The following RGS8 variants were observed in gnomAD, a reference collection of about 807,000 sequenced individuals.
The protein encoded by RGS8 is regulator of G-protein signaling 8.
RGS8 carries 8 observed loss-of-function variants against 21.7 expected under a neutral mutation model. That is an observed-to-expected ratio of 0.37 (90% CI 0.22 to 0.66). RGS8 has a LOEUF of 0.66. RGS8 is among the 30% of genes least tolerant of loss of function. RGS8 has a pLI of 0.59. For synonymous variants in RGS8, 80 were observed against 83.6 expected (o/e 0.96, Z 0.24); for missense variants, 157 against 217.9 (o/e 0.72, Z 1.76).
chr1:182,643,303 T>C (rs2102399042), downstream of RGS8: 1 of 127,184 alleles, frequency 7.9e-6, no homozygotes, highest in East Asian at 2.2e-4. Flanking sequence ...CCCACACAGC[T>C]GTGTCTCCCC....
upstream of RGS8, among the ~76,000 whole-genome samples, chr1:182,673,613 C>T (rs1034295044): frequency 3.9e-5 from 6 of 152,194 alleles, no homozygotes; most frequent in African/African-American, 7.2e-5. Context: ...TTTCTGATAT[C>T]GTCCACAGTG....
the RGS8 span, among the ~76,000 whole-genome samples, chr1:182,742,148 G>A: frequency 3.5e-4 from 52 of 149,902 alleles, 1 homozygote; most frequent in African/African-American, 1.1e-3. Context: ...ATGGGCGGCC[G>A]GGCAGAGACG....
chr1:182,680,207 C>G (rs1373147534), intron 1 of RGS8, among the ~76,000 whole-genome samples: 1 of 152,084 alleles, frequency 6.6e-6, no homozygotes, highest in Non-Finnish European at 1.5e-5. Flanking sequence ...CCTTTAAGCC[C>G]TCCTACTCTA....
At chr1:182,720,913 G>GTGTATATACA in the RGS8 span, among the ~76,000 whole-genome samples, 4 of 95,802 alleles carry the variant, frequency 4.2e-5, no homozygotes, top group South Asian at 3.2e-4. Flanking sequence ...ATATGTGTGT[G>GTGTATATACA]TATATACATA....
chr1:182,727,810 T>C, the RGS8 span, among the ~76,000 whole-genome samples: 1 of 152,322 alleles, frequency 6.6e-6, no homozygotes, highest in East Asian at 1.9e-4. Flanking sequence ...CTATTTATTA[T>C]TCAAAAGTTC....
At chr1:182,709,065 C>T in the RGS8 span, among the ~76,000 whole-genome samples, 1 of 35,664 alleles carries the variant, frequency 2.8e-5, no homozygotes, top group Non-Finnish European at 5.2e-5. Context: ...TTTAGTGGTT[C>T]TTCCTTTTCC....
chr1:182,648,263 G>A (rs1038246664), exon 6 of RGS8: 2 of 1,613,616 alleles, frequency 1.2e-6, no homozygotes, highest in Non-Finnish European at 1.7e-6. Context: ...TCTCCTCACT[G>A]AACTCCGTCT....
the RGS8 span, among the ~76,000 whole-genome samples, chr1:182,692,310 G>A: frequency 2.6e-5 from 4 of 152,032 alleles, no homozygotes; most frequent in South Asian, 8.3e-4. Context: ...GCAGTTAGTA[G>A]CATTTCTATA....
chr1:182,725,655 T>C, the RGS8 span, among the ~76,000 whole-genome samples: 1 of 152,176 alleles, frequency 6.6e-6, no homozygotes, highest in Non-Finnish European at 1.5e-5. Flanking sequence ...AAATGAAACT[T>C]GGTGCTACAA....
the RGS8 span, among the ~76,000 whole-genome samples, chr1:182,690,167 A>T: frequency 1.3e-5 from 2 of 152,224 alleles, no homozygotes; most frequent in African/African-American, 4.8e-5. Context: ...ATAGGGTTGT[A>T]AAGAGAGTTA....
At chr1:182,727,393 A>G in the RGS8 span, among the ~76,000 whole-genome samples, 1 of 152,240 alleles carries the variant, frequency 6.6e-6, no homozygotes, top group East Asian at 1.9e-4. Context: ...TTGGCTAATA[A>G]TATGTCTGGA....
chr1:182,734,757 T>C, the RGS8 span: 1 of 152,206 alleles, frequency 6.6e-6, no homozygotes, highest in Non-Finnish European at 1.5e-5. Flanking sequence ...GGGAGGATGT[T>C]GGGAGGTTCA....
At chr1:182,667,058 TACGGGAG>T in intron 3 of RGS8, 85 bp from the exon 5 acceptor site, 1 of 1,123,436 alleles carries the variant, frequency 8.9e-7, no homozygotes, top group Non-Finnish European at 1.4e-6. Context: ...GAGCTGCTGC[TACGGGAG>T]CCAGCACTGC....
chr1:182,671,228 C>T (rs1259747262), intron 2 of RGS8, among the ~76,000 whole-genome samples: 1 of 152,216 alleles, frequency 6.6e-6, no homozygotes, highest in Non-Finnish European at 1.5e-5. Context: ...ATTTGATGCT[C>T]TCAACCACAG....
chr1:182,666,049 C>T lies in RGS8; in HGVS notation c.129-16G>A, dbSNP rs767356393. The stretch of plus-strand genomic sequence containing the variant: ...CGATAATCTCCTAGAAAAAAAGAAA[C>T]ATCTGTCTTGAATGTTTCTGAAATA... On this transcript the variant is annotated splice_polypyrimidine_tract_variant and intron_variant, in intron 4 of 6. Coordinates refer to ENST00000483095, the Ensembl canonical transcript of RGS8. The T allele has an allele frequency of 2.2e-5, 36 of 1,611,454 alleles. No homozygotes were observed. Among genetic ancestry groups the T allele is most frequent in the Middle Eastern group, 1.6e-4 (1 of 6,078 alleles).
the RGS8 span, among the ~76,000 whole-genome samples, chr1:182,728,563 GC>G: frequency 6.6e-6 from 1 of 152,122 alleles, no homozygotes; most frequent in African/African-American, 2.4e-5. Context: ...GAGTAAGTGT[GC>G]TAAAATCCTC....
chr1:182,660,856 G>A (rs1194235818), intron 5 of RGS8, among the ~76,000 whole-genome samples: 1 of 151,826 alleles, frequency 6.6e-6, no homozygotes, highest in African/African-American at 2.4e-5. Context: ...AGGTCTGAGA[G>A]GACCCGCAGA....
rs1466061473 is a variant in RGS8, at chr1:182,646,627, C to T, written c.*108G>A. The T allele has an allele frequency of 2.9e-6, 3 of 1,037,950 alleles. No individual in the cohort carries two copies. The East Asian group carries it at 7.3e-5, about 25-fold the overall frequency. The allele number at this position is 1,037,950 out of a possible 1,614,324, so 64.3% of individuals were successfully genotyped here. A position where few individuals can be genotyped will look rare whatever the true frequency, so the allele number is the denominator to read the frequency against. On this transcript the variant is annotated 3_prime_UTR_variant, in exon 7 of 7. Transcript: ENST00000483095. ...TTCCCTCCTCACCCCCAGCCTCCCA[C>T]CCCCAATGCCACCGCTTTTGAACAC...
chr1:182,679,364 T>C (rs1358568872), intron 1 of RGS8, among the ~76,000 whole-genome samples: 1 of 152,156 alleles, frequency 6.6e-6, no homozygotes, highest in Non-Finnish European at 1.5e-5. Flanking sequence ...ACCTCTTTGC[T>C]GCCTTTGCCA....
Sources: allele counts gnomAD v4.1 joint callset (sites outside exome capture counted in the v4.1 genomes callset), GRCh38; gene constraint gnomAD v4.1.1; transcripts MANE v1.5; gene names NCBI Gene and HGNC (gene_info 2026-07-23, HGNC 2026-07-21).